The following ARID4B variants were observed in gnomAD, a reference collection of about 807,000 sequenced individuals.
ARID4B encodes the protein AT-rich interaction domain 4B.
In ARID4B, 26 loss-of-function variants were observed where a neutral mutation model predicts 147.5. The observed-to-expected ratio is 0.18, with a 90% CI of 0.13 to 0.24. The LOEUF (loss-of-function observed/expected upper bound fraction) is 0.24, where lower values mean the gene tolerates loss of function less well. Ranked by LOEUF, ARID4B falls within the 10% of genes least tolerant of loss-of-function variation. The pLI is 1.00. For missense variants in ARID4B, 1,179 were observed against 1,511.5 expected (o/e 0.78, Z 3.65); for synonymous variants, 512 against 507.9 (o/e 1.01, Z -0.11).
chr1:235,311,362 T>C (rs61836172), intron 2 of ARID4B, among the ~76,000 whole-genome samples: 1 of 42,536 alleles, frequency 2.4e-5, no homozygotes, highest in Non-Finnish European at 5.3e-5. Context: ...AAAACAATAA[T>C]AATAATAATA....
At chr1:235,308,783 G>A (rs1440834704) in intron 2 of ARID4B, among the ~76,000 whole-genome samples, 1 of 152,128 alleles carries the variant, frequency 6.6e-6, no homozygotes, top group Non-Finnish European at 1.5e-5. Context: ...AGTGCTCAAT[G>A]GTGCCCAGGC....
In ARID4B at chr1:235,304,194, A is replaced by G. The variant is rs549258118; in HGVS notation, c.6+22720T>C. On this transcript the variant is annotated intron_variant, in intron 2 of 23. Coordinates refer to ENST00000264183, the MANE Select transcript of ARID4B (RefSeq NM_016374.6). ...AACATGGTGAAACCCTGCCTCTACA[A>G]AAAACTTGCCAGGCGTGGTGGCATA... Among the ~76,000 whole-genome samples the G allele has an allele frequency of 3.3e-5, 5 of 152,162 alleles. No homozygotes were observed. In the East Asian group the frequency reaches 9.7e-4, roughly 29 times the overall value.
At chr1:235,213,138 G>C (rs867433430) in intron 17 of ARID4B, among the ~76,000 whole-genome samples, 11 of 152,076 alleles carry the variant, frequency 7.2e-5, no homozygotes, top group African/African-American at 2.7e-4. Flanking sequence ...TTAAGTCATT[G>C]AACATGACTT....
chr1:235,249,666 G>A (rs1233359177), intron 6 of ARID4B, among the ~76,000 whole-genome samples: 1 of 151,776 alleles, frequency 6.6e-6, no homozygotes, highest in East Asian at 1.9e-4. Context: ...GCGTGGCCGG[G>A]CACGGTGGCT....
At chr1:235,289,387 C>T (rs1672182604) in intron 2 of ARID4B, among the ~76,000 whole-genome samples, 1 of 152,170 alleles carries the variant, frequency 6.6e-6, no homozygotes, top group Non-Finnish European at 1.5e-5. Context: ...AAGAGCTTGA[C>T]TCTCATACAT....
At chr1:235,225,929 G>T (rs1048612754) in intron 11 of ARID4B, among the ~76,000 whole-genome samples, 1 of 152,076 alleles carries the variant, frequency 6.6e-6, no homozygotes, top group African/African-American at 2.4e-5. Context: ...TGCTAATGAT[G>T]AATCTGTATT....
chr1:235,287,490 A>G (rs1217046569), intron 2 of ARID4B, among the ~76,000 whole-genome samples: 24 of 152,196 alleles, frequency 1.6e-4, no homozygotes, highest in Admixed American at 1.6e-3. Context: ...AGAAACTACC[A>G]GTGTTCATGA....
intron 20 of ARID4B, chr1:235,181,075 G>C: frequency 9.9e-7 from 1 of 1,012,556 alleles, no homozygotes; most frequent in Non-Finnish European, 1.2e-6. Context: ...ACTCACACAA[G>C]TTAGTCAGGC....
At chr1:235,179,872 C>T (rs939985485) in intron 20 of ARID4B, among the ~76,000 whole-genome samples, 2 of 151,844 alleles carry the variant, frequency 1.3e-5, no homozygotes, top group Middle Eastern at 3.4e-3. Flanking sequence ...AGATAGAGAC[C>T]ATCCTGGCTA....
chr1:235,314,143 G>C (rs570688590), intron 2 of ARID4B, among the ~76,000 whole-genome samples: 2 of 151,918 alleles, frequency 1.3e-5, no homozygotes, highest in African/African-American at 4.8e-5. Context: ...CAGTCTTCTT[G>C]GAAAGTTTAA....
At chr1:235,264,690 A>G (rs1016049051) in intron 2 of ARID4B, among the ~76,000 whole-genome samples, 1 of 152,236 alleles carries the variant, frequency 6.6e-6, no homozygotes, top group African/African-American at 2.4e-5. Context: ...CTTGATGTGG[A>G]CAAACAAGTC....
intron 17 of ARID4B, among the ~76,000 whole-genome samples, chr1:235,198,681 T>G (rs972094480): frequency 6.6e-6 from 1 of 152,198 alleles, no homozygotes; most frequent in African/African-American, 2.4e-5. Context: ...AGTTTAGATG[T>G]CAAAAGTGTG....
intron 2 of ARID4B, among the ~76,000 whole-genome samples, chr1:235,291,733 A>T (rs1270835924): frequency 6.6e-6 from 1 of 152,192 alleles, no homozygotes; most frequent in African/African-American, 2.4e-5. Flanking sequence ...GTCTTAAAAA[A>T]ACAAAAACAA....
chr1:235,297,765 G>A (rs74420399), intron 2 of ARID4B, among the ~76,000 whole-genome samples: 2 of 152,032 alleles, frequency 1.3e-5, no homozygotes, highest in African/African-American at 2.4e-5. Context: ...AAATTACAGG[G>A]GTTAAACCAA....
chr1:235,296,815 A>G (rs1273686298), intron 2 of ARID4B, among the ~76,000 whole-genome samples: 974 of 14,000 alleles, frequency 0.07, 57 homozygotes, highest in African/African-American at 0.31. Context: ...GGAAGGAAGG[A>G]AGGAAGGAAG....
chr1:235,289,281 T>C (rs1419998104), intron 2 of ARID4B, among the ~76,000 whole-genome samples: 1 of 152,100 alleles, frequency 6.6e-6, no homozygotes, highest in Non-Finnish European at 1.5e-5. Flanking sequence ...ATTTAACCAT[T>C]AAAAAATTGC....
intron 7 of ARID4B, among the ~76,000 whole-genome samples, chr1:235,242,247 CAAAA>C (rs68058640): frequency 7.9e-6 from 1 of 127,226 alleles, no homozygotes; most frequent in Non-Finnish European, 1.7e-5. Flanking sequence ...GACTCCGTCT[CAAAA>C]AAAAAAAAAA....
intron 2 of ARID4B, among the ~76,000 whole-genome samples, chr1:235,309,550 G>T (rs1219330676): frequency 6.8e-6 from 1 of 147,722 alleles, no homozygotes; most frequent in Non-Finnish European, 1.5e-5. Flanking sequence ...GGAGGGAGGT[G>T]GGGGGGTCAG....
intron 5 of ARID4B, among the ~76,000 whole-genome samples, chr1:235,253,443 G>A (rs1669765573): frequency 1.3e-5 from 2 of 152,046 alleles, no homozygotes; most frequent in South Asian, 4.1e-4. Context: ...TGTTCCCTGG[G>A]GGTAAATTCA....
Sources: allele counts gnomAD v4.1 joint callset (sites outside exome capture counted in the v4.1 genomes callset), GRCh38; gene constraint gnomAD v4.1.1; transcripts MANE v1.5; gene names NCBI Gene and HGNC (gene_info 2026-07-23, HGNC 2026-07-21).